CMIP: variants seen among roughly 807,000 people sequenced by gnomAD.
The protein encoded by CMIP is C-Maf-inducing protein.
In CMIP, 13 loss-of-function variants were observed where a neutral mutation model predicts 97.3. The ratio of observed to expected loss-of-function variants is 0.13; its 90% CI spans 0.09 to 0.21. The LOEUF is 0.21. CMIP is among the 10% of genes least tolerant of loss of function. The pLI, the probability that CMIP is intolerant of heterozygous loss-of-function variation, is 1.00. For missense variants in CMIP, 847 were observed against 1,024.9 expected, an observed-to-expected ratio of 0.83 and a Z score of 2.37; for synonymous variants, 538 against 436.3, an observed-to-expected ratio of 1.23 and a Z score of -2.91.
rs144725280 is a variant in CMIP, at chr16:81,475,859, C to T, written c.300+30318C>T. Among the ~76,000 whole-genome samples the T allele has an allele frequency of 7.0e-3, 1,066 of 151,950 alleles. 11 individuals carry two copies. The highest frequency in any genetic ancestry group is 0.022 in the African/African-American group (894 of 41,440). On this transcript the variant is annotated intron_variant, in intron 1 of 20. Coordinates refer to ENST00000537098, the MANE Select transcript of CMIP (RefSeq NM_198390.3). Reference sequence around the variant, plus strand: ...AAAATTAGCTGGGTGTGGTGGGGGGCGCCTGTAGTCTCAGCTACTTGGGAG... The same window carrying T: ...AAAATTAGCTGGGTGTGGTGGGGGGTGCCTGTAGTCTCAGCTACTTGGGAG...
intron 1 of CMIP, among the ~76,000 whole-genome samples, chr16:81,446,875 C>T (rs1052658055): frequency 3.1e-5 from 4 of 129,776 alleles, no homozygotes; most frequent in African/African-American, 1.1e-4. Context: ...GCGTTGCAGC[C>T]CTCGAGGACT....
At chr16:81,677,773 C>G (rs1325089785) in intron 9 of CMIP, among the ~76,000 whole-genome samples, 1 of 152,150 alleles carries the variant, frequency 6.6e-6, no homozygotes, top group Non-Finnish European at 1.5e-5. Context: ...AGATACTGAG[C>G]TTGCTCACTT....
At chr16:81,479,106 G>C (rs969475909) in intron 1 of CMIP, among the ~76,000 whole-genome samples, 1 of 152,154 alleles carries the variant, frequency 6.6e-6, no homozygotes, top group African/African-American at 2.4e-5. Flanking sequence ...GTTTTTCCTG[G>C]GGGGAGGGGG....
At chr16:81,501,451 C>G (rs1176751627) in intron 1 of CMIP, among the ~76,000 whole-genome samples, 5 of 151,982 alleles carry the variant, frequency 3.3e-5, no homozygotes, top group Non-Finnish European at 7.4e-5. Context: ...TCTTACTTGA[C>G]TTATAAGGTT....
chr16:81,662,353 T>C (rs34469660), intron 6 of CMIP, among the ~76,000 whole-genome samples: 43,064 of 152,162 alleles, frequency 0.28, 7,748 homozygotes, highest in Middle Eastern at 0.49. Context: ...CCTCACTGTG[T>C]TTCTTACCTC....
rs114121014 is a variant in CMIP at position 81,698,833 on chromosome 16, C to A, written c.1639-852C>A. The stretch of plus-strand genomic sequence containing the variant: ...GTCTCTGAATTTCCCTATCCAGGTA[C>A]CTCATGTAAGTGGAGTCAGAGTCTC... On this transcript the variant is annotated intron_variant, in intron 14 of 20. Coordinates refer to ENST00000537098, the MANE Select transcript of CMIP (RefSeq NM_198390.3). Among the ~76,000 whole-genome samples the A allele has an allele frequency of 2.3e-3, 346 of 152,336 alleles. 3 individuals carry two copies. The highest frequency in any genetic ancestry group is 8.0e-3 in the African/African-American group (331 of 41,568).
chr16:81,629,867 A>T (rs996921672), intron 3 of CMIP, among the ~76,000 whole-genome samples: 1 of 152,224 alleles, frequency 6.6e-6, no homozygotes, highest in African/African-American at 2.4e-5. Context: ...TTCCTCAGTT[A>T]TAGATAACGC....
At chr16:81,584,015 G>A (rs1286542653) in intron 1 of CMIP, among the ~76,000 whole-genome samples, 1 of 152,212 alleles carries the variant, frequency 6.6e-6, no homozygotes, top group Non-Finnish European at 1.5e-5. Context: ...AAGGGAAGGT[G>A]TGGAGGAATT....
rs760747253 is a variant in CMIP at position 81,693,443 on chromosome 16, C to T, written c.1486C>T (p.Leu496=). ...ALAHEKFTKE[L]KYVIQRFAED... ...CGGCCGCCTCGTCTCTTCCAGGGAA[C>T]TGAAGTACGTGATTCAGAGGTTCGC... is the stretch of plus-strand genomic sequence containing the variant. The change falls in exon 13 of 21, where the codon CTG becomes TTG. Residue 496 remains leucine (L), a synonymous_variant. Coordinates refer to ENST00000537098, the MANE Select transcript of CMIP (RefSeq NM_198390.3). The T allele has an allele frequency of 1.2e-6, 2 of 1,612,322 alleles. No individual in the cohort carries two copies. The highest frequency in any genetic ancestry group is 2.2e-5 in the East Asian group (1 of 44,870).
chr16:81,636,573 T>A (rs2092238358), intron 3 of CMIP, among the ~76,000 whole-genome samples: 1 of 128,418 alleles, frequency 7.8e-6, no homozygotes, highest in Non-Finnish European at 1.7e-5. Flanking sequence ...AGAGTGAAAC[T>A]TCGTCTCAAA....
At chr16:81,696,214 A>T (rs1906700681) in intron 13 of CMIP, 1 of 360,870 alleles carries the variant, frequency 2.8e-6, no homozygotes, top group South Asian at 2.8e-5. Flanking sequence ...GGGCAGGAGA[A>T]AGGGAAAAGG....
intron 1 of CMIP, among the ~76,000 whole-genome samples, chr16:81,554,358 G>C (rs57420483): frequency 0.19 from 29,286 of 152,222 alleles, 2,936 homozygotes; most frequent in East Asian, 0.35. Flanking sequence ...GAAAGATTCA[G>C]AGAAATATCC....
Position 81,621,113 on chromosome 16 carries a change from T to C in CMIP, c.477+187T>C. The C allele has an allele frequency of 1.7e-6, 1 of 597,684 alleles. No individual in the cohort carries two copies. The allele number at this position is 597,684 out of a possible 1,614,324, so 37.0% of individuals were successfully genotyped here. A position where few individuals can be genotyped will look rare whatever the true frequency, so the allele number is the denominator to read the frequency against. ...CCTCTGCTGTTCAATTCCTGTCCCCTGCAGTGCTGAAATAGCATTCTCGCC... is the reference window on the plus strand; with the variant it reads ...CCTCTGCTGTTCAATTCCTGTCCCCCGCAGTGCTGAAATAGCATTCTCGCC... On this transcript the variant is annotated intron_variant, in intron 3 of 20. Transcript: ENST00000537098. This position sits in a 1 kb window ranked among gnomAD's most constrained non-coding sequence, Gnocchi z 4.1.
At chr16:81,529,186 G>C (rs976621253) in intron 1 of CMIP, among the ~76,000 whole-genome samples, 1 of 152,246 alleles carries the variant, frequency 6.6e-6, no homozygotes, top group Non-Finnish European at 1.5e-5. Flanking sequence ...TCTAGGGCAG[G>C]TTGGGAGGAT....
intron 1 of CMIP, among the ~76,000 whole-genome samples, chr16:81,590,853 A>ATCCATCCC (rs2091456602): frequency 6.6e-6 from 1 of 152,008 alleles, no homozygotes; most frequent in Admixed American, 6.6e-5. Flanking sequence ...CCATCCATCC[A>ATCCATCCC]TCCATCCATC....
intron 1 of CMIP, among the ~76,000 whole-genome samples, chr16:81,524,667 T>C (rs2090093389): frequency 6.6e-6 from 1 of 152,228 alleles, no homozygotes; most frequent in South Asian, 2.1e-4. Context: ...CATTAGTGGG[T>C]TTGGCGGCAC....
intron 3 of CMIP, among the ~76,000 whole-genome samples, chr16:81,626,434 G>A (rs1658824538): frequency 7.2e-6 from 1 of 138,222 alleles, no homozygotes; most frequent in South Asian, 2.4e-4. Context: ...GTGGGGTGTG[G>A]GATGACTATC....
chr16:81,602,525 A>G (rs924862453), intron 1 of CMIP, among the ~76,000 whole-genome samples: 3 of 152,244 alleles, frequency 2.0e-5, no homozygotes, highest in Non-Finnish European at 2.9e-5. Flanking sequence ...GCCAAGTGAC[A>G]TCGCCCCCAC....
At chr16:81,481,939 C>G (rs142996157) in intron 1 of CMIP, among the ~76,000 whole-genome samples, 5 of 148,834 alleles carry the variant, frequency 3.4e-5, no homozygotes, top group African/African-American at 1.3e-4. Flanking sequence ...AGTGCAGTGG[C>G]GCAATCTTGG....
Sources: allele counts gnomAD v4.1 joint callset (sites outside exome capture counted in the v4.1 genomes callset), GRCh38; gene constraint gnomAD v4.1.1; non-coding constraint Gnocchi (gnomAD v3.1); transcripts MANE v1.5; gene names NCBI Gene and HGNC (gene_info 2026-07-23, HGNC 2026-07-21).